Variants in ADGRL2 observed in about 807,000 individuals in gnomAD.
ADGRL2 encodes adhesion G protein-coupled receptor L2, also known as calcium-independent alpha-latrotoxin receptor 2.
Under a neutral mutation model 157.4 loss-of-function variants are expected in ADGRL2, and 44 were observed. The observed-to-expected ratio is 0.28, with a 90% CI of 0.22 to 0.36. ADGRL2 has a LOEUF of 0.36. Ranked by LOEUF, ADGRL2 falls within the 10% of genes least tolerant of loss-of-function variation. The pLI is 1.00. For missense variants in ADGRL2, 1,510 were observed against 1,768.9 expected, an observed-to-expected ratio of 0.85 and a Z score of 2.63; for synonymous variants, 585 against 624.7, an observed-to-expected ratio of 0.94 and a Z score of 0.95.
At chr1:81,909,754 T>C (rs2094669607) in intron 3 of ADGRL2, among the ~76,000 whole-genome samples, 1 of 152,004 alleles carries the variant, frequency 6.6e-6, no homozygotes. Flanking sequence ...TTGCCCAAGA[T>C]GGTTATAAGG....
At chr1:81,394,724 C>T (rs1052416773) in intron 1 of ADGRL2, among the ~76,000 whole-genome samples, 1 of 152,056 alleles carries the variant, frequency 6.6e-6, no homozygotes, top group Non-Finnish European at 1.5e-5. Flanking sequence ...TGGATATATA[C>T]TCAGTAGTTG....
At chr1:81,432,880 C>T (rs543503121) in intron 1 of ADGRL2, among the ~76,000 whole-genome samples, 35 of 152,120 alleles carry the variant, frequency 2.3e-4, no homozygotes, top group Middle Eastern at 3.4e-3. Flanking sequence ...AATCATGGGC[C>T]GTTCTATGGT....
chr1:81,345,743 A>G (rs2100797094), intron 1 of ADGRL2, among the ~76,000 whole-genome samples: 1 of 152,282 alleles, frequency 6.6e-6, no homozygotes, highest in South Asian at 2.1e-4. Flanking sequence ...GGCAAGAAAG[A>G]AGTGGAAAGG....
intron 2 of ADGRL2, among the ~76,000 whole-genome samples, chr1:81,453,627 T>C (rs1328780174): frequency 3.9e-5 from 6 of 152,168 alleles, no homozygotes; most frequent in African/African-American, 1.4e-4. Context: ...AACTGGGAAA[T>C]CTCAAGCATA....
intron 1 of ADGRL2, among the ~76,000 whole-genome samples, chr1:81,342,277 C>T (rs747469366): frequency 5.9e-5 from 9 of 152,110 alleles, no homozygotes; most frequent in Non-Finnish European, 1.3e-4. Flanking sequence ...GTTTTAGATC[C>T]TATATTGAGT....
At chr1:81,669,932 G>C (rs1304321106) in intron 3 of ADGRL2, among the ~76,000 whole-genome samples, 1 of 115,378 alleles carries the variant, frequency 8.7e-6, no homozygotes, top group Non-Finnish European at 1.7e-5. Flanking sequence ...GACAGAGTGA[G>C]ACTACGTCTC....
At chr1:81,647,723 A>G (rs1274105787) in intron 3 of ADGRL2, among the ~76,000 whole-genome samples, 1 of 152,192 alleles carries the variant, frequency 6.6e-6, no homozygotes, top group Admixed American at 6.5e-5. Context: ...TCTCAACAAG[A>G]CAACATCTAT....
At chr1:81,846,611 TC>T (rs1245333882) in intron 2 of ADGRL2, among the ~76,000 whole-genome samples, 2 of 151,938 alleles carry the variant, frequency 1.3e-5, no homozygotes, top group African/African-American at 2.4e-5. Flanking sequence ...GTCTTACTAT[TC>T]CTGTACCCAT....
At chr1:81,530,060 G>A (rs924562450) in intron 2 of ADGRL2, among the ~76,000 whole-genome samples, 16 of 152,150 alleles carry the variant, frequency 1.1e-4, no homozygotes, top group African/African-American at 3.6e-4. Context: ...TGAATGCCAG[G>A]AACAGTGTTG....
At position 81,466,955 on chromosome 1, in the gene ADGRL2, GT is replaced by G. The variant is rs2078068613; in HGVS notation, c.-248+21869del. On this transcript the variant is annotated intron_variant, in intron 2 of 24. Coordinates refer to the ADGRL2 transcript ENST00000370721. ...TGGAGATTTCTACAAGGTAATTACTGTTTATTCTTTAATGATAGTGCCGTCT... is the reference window on the plus strand; with the variant it reads ...TGGAGATTTCTACAAGGTAATTACTGTTATTCTTTAATGATAGTGCCGTCT... Among the ~76,000 whole-genome samples, 4 of 149,974 alleles carry G rather than the reference GT, an allele frequency of 2.7e-5. No homozygotes were observed. In the South Asian group the frequency reaches 8.7e-4, roughly 32 times the overall value.
chr1:81,730,987 T>C (rs879768262), intron 1 of ADGRL2, among the ~76,000 whole-genome samples: 10 of 152,194 alleles, frequency 6.6e-5, no homozygotes, highest in Admixed American at 6.5e-4. Flanking sequence ...ATGGTAAAAT[T>C]ATGAATATAT....
intron 2 of ADGRL2, among the ~76,000 whole-genome samples, chr1:81,517,529 T>C (rs1252513931): frequency 6.6e-6 from 1 of 151,588 alleles, no homozygotes; most frequent in African/African-American, 2.4e-5. Context: ...ATGTATCGTT[T>C]CCTCTCAGCT....
chr1:81,541,229 T>C (rs1226674225), intron 2 of ADGRL2, among the ~76,000 whole-genome samples: 6 of 152,256 alleles, frequency 3.9e-5, no homozygotes, highest in African/African-American at 1.4e-4. Context: ...ATTATGTCTG[T>C]GTTGTATCCT....
chr1:81,377,707 T>A (rs2076273884), intron 1 of ADGRL2, among the ~76,000 whole-genome samples: 1 of 152,186 alleles, frequency 6.6e-6, no homozygotes, highest in Non-Finnish European at 1.5e-5. Context: ...ATGTATTTAA[T>A]TGCTGGAGAA....
chr1:81,940,687 G>A (rs188566944), intron 4 of ADGRL2, among the ~76,000 whole-genome samples: 14 of 151,202 alleles, frequency 9.3e-5, no homozygotes, highest in African/African-American at 3.1e-4. Context: ...TTAATAAAAT[G>A]TGCACTACTC....
intron 9 of ADGRL2, 98 bp downstream of exon 9, chr1:81,952,240 A>G: frequency 2.1e-6 from 2 of 949,050 alleles, no homozygotes; most frequent in Admixed American, 3.0e-5. Context: ...GCCCCGGGAC[A>G]TATACTTAGA....
rs111445473 is a variant in ADGRL2 at position 81,810,268 on chromosome 1, A to G, written c.-101+9200A>G. Among the ~76,000 whole-genome samples, 67 of 152,012 alleles carry G rather than the reference A, an allele frequency of 4.4e-4. 1 individual carries two copies. Among genetic ancestry groups the G allele is most frequent in the African/African-American group, 1.6e-3 (65 of 41,540 alleles). On this transcript the variant is annotated intron_variant, in intron 1 of 23. Transcript: ENST00000686636. ...TTTAGATAAAATTTTTAGTTGATAC[A>G]ATATTTCTGTTTTATGCAGACTACG...
At chr1:81,516,778 C>G (rs771060416) in intron 2 of ADGRL2, among the ~76,000 whole-genome samples, 1 of 152,144 alleles carries the variant, frequency 6.6e-6, no homozygotes, top group Non-Finnish European at 1.5e-5. Context: ...TGTATAGACC[C>G]TGTGGGAAAA....
At chr1:81,359,064 G>A (rs943236531) in intron 1 of ADGRL2, among the ~76,000 whole-genome samples, 28 of 151,758 alleles carry the variant, frequency 1.8e-4, no homozygotes, top group Non-Finnish European at 3.5e-4. Context: ...TGCCAAAGAG[G>A]TTTAAAATTT....
Sources: allele counts gnomAD v4.1 joint callset (sites outside exome capture counted in the v4.1 genomes callset), GRCh38; gene constraint gnomAD v4.1.1; transcripts MANE v1.5; gene names NCBI Gene and HGNC (gene_info 2026-07-23, HGNC 2026-07-21).